The following LY96 variants were observed in gnomAD, a reference collection of about 807,000 sequenced individuals.
LY96 encodes the protein lymphocyte antigen 96.
LY96 carries 18 observed loss-of-function variants against 18.9 expected under a neutral mutation model. That is an observed-to-expected ratio of 0.95 (90% confidence interval 0.66 to 1.41). LY96 has a LOEUF of 1.41. Among genes scored for constraint, LY96 ranks in the 40% most tolerant of loss-of-function variants. LY96 has a pLI of 0.00. For missense variants in LY96, 175 were observed against 182.4 expected (o/e 0.96, Z 0.23); for synonymous variants, 66 against 62.6 (o/e 1.06, Z -0.26).
intron 4 of LY96, among the ~76,000 whole-genome samples, chr8:74,027,941 C>CA (rs1262297750): frequency 6.6e-6 from 1 of 152,126 alleles, no homozygotes; most frequent in African/African-American, 2.4e-5. Context: ...TTCAGACCCC[C>CA]AGTAAACTTG....
At chr8:74,036,160 A>C in the LY96 span, among the ~76,000 whole-genome samples, 65 of 152,346 alleles carry the variant, frequency 4.3e-4, no homozygotes, top group Admixed American at 1.6e-3. Flanking sequence ...TTATAGTTTA[A>C]CTTTGAAGTA....
the LY96 span, among the ~76,000 whole-genome samples, chr8:74,079,943 C>T: frequency 6.6e-6 from 1 of 152,052 alleles, no homozygotes; most frequent in Non-Finnish European, 1.5e-5. Context: ...AGAACTGATC[C>T]TTTTCTACAT....
the LY96 span, among the ~76,000 whole-genome samples, chr8:74,076,500 T>G: frequency 6.6e-6 from 1 of 151,998 alleles, no homozygotes; most frequent in Non-Finnish European, 1.5e-5. Flanking sequence ...ATATTTTGTA[T>G]TTTTAGTAGA....
intron 3 of LY96, among the ~76,000 whole-genome samples, chr8:74,016,011 T>C (rs1360667992): frequency 6.6e-6 from 1 of 152,180 alleles, no homozygotes; most frequent in Non-Finnish European, 1.5e-5. Flanking sequence ...TGGGACTAGT[T>C]GGACAGTGGG....
At chr8:74,081,083 T>TTC in the LY96 span, among the ~76,000 whole-genome samples, 1 of 114,628 alleles carries the variant, frequency 8.7e-6, no homozygotes, top group East Asian at 2.5e-4. Flanking sequence ...TTTCTTCTCT[T>TTC]TCTCTCTTTC....
At chr8:74,047,286 T>A in the LY96 span, among the ~76,000 whole-genome samples, 1 of 152,208 alleles carries the variant, frequency 6.6e-6, no homozygotes, top group South Asian at 2.1e-4. Flanking sequence ...ATTTCTTCCT[T>A]AATATGCTTT....
At chr8:74,019,634 C>A (rs1816718442) in intron 3 of LY96, among the ~76,000 whole-genome samples, 1 of 152,152 alleles carries the variant, frequency 6.6e-6, no homozygotes, top group Non-Finnish European at 1.5e-5. Flanking sequence ...GAATTTTAGA[C>A]CAATATTCCT....
At chr8:74,018,853 TAA>T (rs1816699152) in intron 3 of LY96, among the ~76,000 whole-genome samples, 2 of 152,098 alleles carry the variant, frequency 1.3e-5, no homozygotes, top group Admixed American at 1.3e-4. Flanking sequence ...AAGGCAGAAA[TAA>T]AGATATTCTT....
the LY96 span, among the ~76,000 whole-genome samples, chr8:74,081,041 TCTTTCTTTTTCTTTCTTTCTTTCTTA>T: frequency 3.6e-3 from 453 of 126,356 alleles, 4 homozygotes; most frequent in African/African-American, 0.013. Context: ...TTTCTTTCTT[TCTTTCTTTTTCTTTCTTTCTTTCTTA>T]CTTTCTTTCT....
the LY96 span, among the ~76,000 whole-genome samples, chr8:74,052,885 A>T: frequency 1.3e-5 from 2 of 152,224 alleles, no homozygotes; most frequent in Non-Finnish European, 1.5e-5. Context: ...TACATTTACC[A>T]TGTGGGAATA....
At chr8:74,018,736 A>G (rs1022045856) in intron 3 of LY96, among the ~76,000 whole-genome samples, 2 of 152,176 alleles carry the variant, frequency 1.3e-5, no homozygotes, top group African/African-American at 2.4e-5. Context: ...TCAGACCACA[A>G]TGCAATCAAA....
the LY96 span, among the ~76,000 whole-genome samples, chr8:74,097,554 C>A: frequency 1.3e-5 from 2 of 151,862 alleles, no homozygotes; most frequent in African/African-American, 2.4e-5. Context: ...CTAAAAAATG[C>A]AAAAATTAGC....
At chr8:74,053,259 T>C in the LY96 span, among the ~76,000 whole-genome samples, 1 of 151,464 alleles carries the variant, frequency 6.6e-6, no homozygotes, top group South Asian at 2.1e-4. Context: ...ATTTGTCCCC[T>C]TTTTTTAATT....
downstream of LY96, among the ~76,000 whole-genome samples, chr8:74,033,305 A>G (rs149774141): frequency 1.3e-5 from 2 of 152,330 alleles, no homozygotes; most frequent in East Asian, 1.9e-4. Context: ...GGGAGTTAAA[A>G]CAAAGGCCTT....
the LY96 span, among the ~76,000 whole-genome samples, chr8:74,053,781 G>C: frequency 6.6e-6 from 1 of 152,202 alleles, no homozygotes; most frequent in African/African-American, 2.4e-5. Flanking sequence ...TTTGATTGGA[G>C]GTAAGCCTTT....
the LY96 span, among the ~76,000 whole-genome samples, chr8:74,049,034 G>T: frequency 1.6e-4 from 25 of 152,248 alleles, no homozygotes; most frequent in African/African-American, 6.0e-4. Flanking sequence ...AGAGTGAGTG[G>T]ATATGAGGAC....
chr8:73,996,364 C>CA (rs1563707710), intron 1 of LY96, among the ~76,000 whole-genome samples: 208 of 89,430 alleles, frequency 2.3e-3, no homozygotes, highest in Non-Finnish European at 3.5e-3. Context: ...TTCCTTCCTT[C>CA]CTTCATTCCT....
At chr8:74,057,147 A>T in the LY96 span, among the ~76,000 whole-genome samples, 1 of 152,178 alleles carries the variant, frequency 6.6e-6, no homozygotes, top group Non-Finnish European at 1.5e-5. Flanking sequence ...TGAAGATTAA[A>T]TCACACTCTC....
chr8:74,062,753 T>C, the LY96 span, among the ~76,000 whole-genome samples: 3 of 152,320 alleles, frequency 2.0e-5, no homozygotes, highest in Admixed American at 2.0e-4. Flanking sequence ...GTTGCTAATA[T>C]CCTTAGTTTA....
Sources: gnomAD v4.1 joint callset for allele counts (sites outside exome capture counted in the v4.1 genomes callset) on GRCh38, gnomAD v4.1.1 for gene constraint, MANE v1.5 for transcripts, NCBI Gene and HGNC (gene_info 2026-07-23, HGNC 2026-07-21) for gene names.